BLTP1: variants seen among roughly 807,000 people sequenced by gnomAD.
The protein encoded by BLTP1 is bridge-like lipid transfer protein family member 1.
the BLTP1 span, chr4:122,271,420 C>T: frequency 8.7e-5 from 141 of 1,613,510 alleles, no homozygotes; most frequent in Non-Finnish European, 9.7e-5. Flanking sequence ...TTAATGGTGG[C>T]AATAGAGTAA....
At chr4:122,154,418 C>G in the BLTP1 span, 2 of 984,976 alleles carry the variant, frequency 2.0e-6, no homozygotes, top group Non-Finnish European at 2.4e-6. Flanking sequence ...TTTTACTTGA[C>G]TTTTGAGCTA....
the BLTP1 span, chr4:122,180,202 G>T: frequency 5.1e-6 from 5 of 984,156 alleles, no homozygotes; most frequent in Non-Finnish European, 6.0e-6. Flanking sequence ...TACTAATATT[G>T]TGACTTAAGG....
the BLTP1 span, chr4:122,210,043 T>G: frequency 7.3e-7 from 1 of 1,376,468 alleles, no homozygotes; most frequent in Non-Finnish European, 9.5e-7. Context: ...ATAAATATAG[T>G]CTTACATATT....
At chr4:122,191,890 TA>T in the BLTP1 span, among the ~76,000 whole-genome samples, 1 of 152,150 alleles carries the variant, frequency 6.6e-6, no homozygotes, top group African/African-American at 2.4e-5. Flanking sequence ...TACTTATCAC[TA>T]AATTATTTTG....
the BLTP1 span, among the ~76,000 whole-genome samples, chr4:122,202,188 A>G: frequency 1.3e-5 from 2 of 152,132 alleles, no homozygotes; most frequent in East Asian, 3.9e-4. Context: ...ATACTTCTCC[A>G]AGGCTTGAAC....
chr4:122,257,981 C>T, the BLTP1 span, among the ~76,000 whole-genome samples: 1 of 152,158 alleles, frequency 6.6e-6, no homozygotes, highest in Non-Finnish European at 1.5e-5. Context: ...CCCTATGCCA[C>T]AGTATTTTAA....
the BLTP1 span, among the ~76,000 whole-genome samples, chr4:122,278,159 A>G: frequency 2.0e-5 from 3 of 152,268 alleles, no homozygotes; most frequent in African/African-American, 7.2e-5. Flanking sequence ...ACTGTGGAAA[A>G]TGGAATTAAA....
At chr4:122,359,738 A>ATACATT in the BLTP1 span, 1 of 1,596,278 alleles carries the variant, frequency 6.3e-7, no homozygotes, top group East Asian at 2.2e-5. Context: ...TAATGAGTAT[A>ATACATT]TACATTTACC....
chr4:122,199,077 C>T, the BLTP1 span, among the ~76,000 whole-genome samples: 1 of 152,176 alleles, frequency 6.6e-6, no homozygotes, highest in African/African-American at 2.4e-5. Flanking sequence ...TGTTCTGTAA[C>T]TGAAAACTAC....
the BLTP1 span, chr4:122,333,604 G>A: frequency 6.4e-7 from 1 of 1,557,086 alleles, no homozygotes; most frequent in South Asian, 1.2e-5. Context: ...TTTTTAAAAA[G>A]ATAAGAACAT....
At chr4:122,334,267 T>G in the BLTP1 span, 1 of 1,294,180 alleles carries the variant, frequency 7.7e-7, no homozygotes, top group South Asian at 1.4e-5. Flanking sequence ...ATGTTCTTTC[T>G]ACCACATTTT....
chr4:122,175,736 G>C, the BLTP1 span: 1 of 664,054 alleles, frequency 1.5e-6, no homozygotes, highest in African/African-American at 1.8e-5. Context: ...ATGTTCTTTT[G>C]AGGATTTCCT....
the BLTP1 span, chr4:122,359,353 T>TATCA: frequency 1.0e-6 from 1 of 953,162 alleles, no homozygotes; most frequent in Non-Finnish European, 1.2e-6. Flanking sequence ...CAGCATTTTT[T>TATCA]ATCATTAATG....
the BLTP1 span, among the ~76,000 whole-genome samples, chr4:122,163,796 G>C: frequency 1.3e-5 from 2 of 152,186 alleles, no homozygotes. Flanking sequence ...GCATAGTATA[G>C]AGTCTATGCT....
At chr4:122,266,854 G>A in the BLTP1 span, 7 of 1,611,892 alleles carry the variant, frequency 4.3e-6, no homozygotes, top group African/African-American at 4.0e-5. Context: ...GCTACCGAAT[G>A]TACTTTGGAG....
chr4:122,214,642 T>G, the BLTP1 span: 1 of 206,078 alleles, frequency 4.9e-6, no homozygotes, highest in East Asian at 3.7e-4. Context: ...TTTTTTTTTT[T>G]GAGACAGGGT....
At chr4:122,338,696 A>G in the BLTP1 span, among the ~76,000 whole-genome samples, 1 of 152,150 alleles carries the variant, frequency 6.6e-6, no homozygotes. Context: ...TACTAAAAAA[A>G]GAGACACCCC....
chr4:122,256,189 G>T, the BLTP1 span: 1 of 983,700 alleles, frequency 1.0e-6, no homozygotes, highest in Admixed American at 6.2e-5. Context: ...ATTATTAATG[G>T]CCAGTCAAGC....
At chr4:122,194,343 A>G in the BLTP1 span, 12 of 161,150 alleles carry the variant, frequency 7.4e-5, no homozygotes, top group Non-Finnish European at 1.4e-4. Context: ...ACAATACTTC[A>G]TTAAGTTCTG....
Sources: allele counts gnomAD v4.1 joint callset (sites outside exome capture counted in the v4.1 genomes callset), GRCh38; gene constraint gnomAD v4.1.1; transcripts MANE v1.5; gene names NCBI Gene and HGNC (gene_info 2026-07-23, HGNC 2026-07-21).